NRXN3: variants seen among roughly 807,000 people sequenced by gnomAD.
The protein encoded by NRXN3 is neurexin 3, also known as neurexin III.
A neutral mutation model predicts 137.6 loss-of-function variants in NRXN3; 32 were observed. The observed-to-expected ratio is 0.23, with a 90% CI of 0.18 to 0.31. The LOEUF (loss-of-function observed/expected upper bound fraction) is 0.31. Among genes scored for constraint, NRXN3 ranks in the 10% least tolerant of loss-of-function variants. The pLI is 1.00. For synonymous variants in NRXN3, 798 were observed against 784.5 expected (o/e 1.02, Z -0.29); for missense variants, 1,574 against 2,062.5 (o/e 0.76, Z 4.59).
Position 79,038,822 on chromosome 14 carries a change from C to T in NRXN3, c.3262+50681C>T, listed in dbSNP as rs549867484. On this transcript the variant is annotated intron_variant, in intron 15 of 20. Coordinates refer to ENST00000335750, the MANE Select transcript of NRXN3 (RefSeq NM_001330195.2). ...GAAGTACAGGCGAGCAGGAATCCCT[C>T]GCTACCTGGCCTTTCGTTCCCTGGT... 3.9e-5 allele frequency among the ~76,000 whole-genome samples: 6 copies of T among 152,214 alleles called. No homozygotes were observed. The East Asian group carries it at 5.8e-4, about 15-fold the overall frequency.
intron 16 of NRXN3, among the ~76,000 whole-genome samples, chr14:79,619,758 C>T (rs1292858607): frequency 1.3e-5 from 2 of 152,020 alleles, no homozygotes; most frequent in Non-Finnish European, 2.9e-5. Flanking sequence ...ATACCAAATA[C>T]AGGTTCATAA....
intron 6 of NRXN3, among the ~76,000 whole-genome samples, chr14:78,659,417 G>A (rs1476283892): frequency 2.0e-5 from 3 of 152,126 alleles, no homozygotes; most frequent in East Asian, 1.9e-4. Context: ...GGTAGTTCAC[G>A]CCCATAATTT....
chr14:79,713,478 G>GTATATATATA lies in NRXN3; in HGVS notation c.4014+15551_4014+15560dup, dbSNP rs76633474. Among the ~76,000 whole-genome samples, 90 of 135,354 alleles carry GTATATATATA rather than the reference G, an allele frequency of 6.6e-4. 1 individual carries two copies. The highest frequency in any genetic ancestry group is 2.0e-3 in the African/African-American group (72 of 36,906). The allele number at this position is 135,354 out of a possible 152,430, so 88.8% of individuals were successfully genotyped here. On this transcript the variant is annotated intron_variant, in intron 19 of 20. Transcript: ENST00000335750. ...AGTAGAGATCTGAGATATATATAAT[G>GTATATATATA]TATATATATATATATATATTTGAAC... is the stretch of plus-strand genomic sequence containing the variant.
At chr14:78,513,469 A>G (rs1486273092) in intron 4 of NRXN3, among the ~76,000 whole-genome samples, 6 of 152,164 alleles carry the variant, frequency 3.9e-5, no homozygotes, top group Admixed American at 1.3e-4. Context: ...TTGAAATCCT[A>G]TCCCATGTTT....
At chr14:78,466,467 T>C (rs1025377034) in intron 4 of NRXN3, among the ~76,000 whole-genome samples, 44 of 152,258 alleles carry the variant, frequency 2.9e-4, no homozygotes, top group African/African-American at 1.0e-3. Flanking sequence ...CGTGAAGGGA[T>C]GGAAATGAAT....
chr14:79,156,599 G>A lies in NRXN3; in HGVS notation c.3262+168458G>A, dbSNP rs977994762. 2.0e-5 allele frequency among the ~76,000 whole-genome samples: 3 copies of A among 151,306 alleles called. 1 individual carries two copies. Among genetic ancestry groups the A allele is most frequent in the Admixed American group, 1.3e-4 (2 of 15,164 alleles). On this transcript the variant is annotated intron_variant, in intron 15 of 20. Transcript: ENST00000335750. ...GAATGCTCAATGTTTCTTCCTCCTA[G>A]TGTATTGCTTTACTTCCTTAACAGA... is the stretch of plus-strand genomic sequence containing the variant.
chr14:79,331,148 A>T (rs1344438441), intron 15 of NRXN3, among the ~76,000 whole-genome samples: 1 of 152,192 alleles, frequency 6.6e-6, no homozygotes, highest in Admixed American at 6.5e-5. Context: ...CCAGTAACTT[A>T]GGATGCTGTA....
At chr14:78,916,014 C>T (rs1597351089) in intron 10 of NRXN3, among the ~76,000 whole-genome samples, 1 of 152,212 alleles carries the variant, frequency 6.6e-6, no homozygotes, top group African/African-American at 2.4e-5. Context: ...AGATAAGACA[C>T]TCTTGTGTCT....
At chr14:79,453,982 C>T (rs1476351089) in intron 15 of NRXN3, among the ~76,000 whole-genome samples, 1 of 152,148 alleles carries the variant, frequency 6.6e-6, no homozygotes, top group African/African-American at 2.4e-5. Flanking sequence ...TTCTCTACTG[C>T]AGACAAAGTT....
intron 6 of NRXN3, among the ~76,000 whole-genome samples, chr14:78,694,203 CTG>C (rs2098202491): frequency 1.3e-5 from 2 of 151,952 alleles, no homozygotes; most frequent in South Asian, 4.2e-4. Context: ...GATTTTCTGA[CTG>C]TCTCCTCTTC....
chr14:78,301,254 G>C (rs1323385716), intron 4 of NRXN3, among the ~76,000 whole-genome samples: 1 of 152,122 alleles, frequency 6.6e-6, no homozygotes, highest in African/African-American at 2.4e-5. Context: ...CAGAAGGGTG[G>C]AACTGGGAGG....
At chr14:79,132,151 C>T (rs547204162) in intron 15 of NRXN3, among the ~76,000 whole-genome samples, 23 of 152,370 alleles carry the variant, frequency 1.5e-4, no homozygotes, top group South Asian at 4.1e-4. Flanking sequence ...GCGTTGCTCA[C>T]GCTGGGAGCT....
At chr14:79,088,532 ATCC>A (rs1247542746) in intron 15 of NRXN3, among the ~76,000 whole-genome samples, 5 of 139,988 alleles carry the variant, frequency 3.6e-5, no homozygotes, top group Admixed American at 3.4e-4. Context: ...TATTATAATT[ATCC>A]TCCTTAAGAA....
intron 8 of NRXN3, among the ~76,000 whole-genome samples, chr14:78,720,878 G>T (rs2098456614): frequency 6.6e-6 from 1 of 152,148 alleles, no homozygotes; most frequent in African/African-American, 2.4e-5. Context: ...TGCTTCTTTG[G>T]AATTAACTTC....
intron 16 of NRXN3, among the ~76,000 whole-genome samples, chr14:79,594,860 T>G (rs1283772989): frequency 2.6e-5 from 4 of 152,168 alleles, no homozygotes; most frequent in Non-Finnish European, 5.9e-5. Flanking sequence ...CAAGTCCCTG[T>G]TTATTAGACA....
intron 4 of NRXN3, among the ~76,000 whole-genome samples, chr14:78,322,690 GC>G (rs1185695830): frequency 1.3e-5 from 2 of 151,882 alleles, no homozygotes; most frequent in Non-Finnish European, 2.9e-5. Flanking sequence ...CATCCCACTT[GC>G]TGAAACCTTG....
chr14:79,067,001 A>G (rs898031022), intron 15 of NRXN3, among the ~76,000 whole-genome samples: 2 of 151,970 alleles, frequency 1.3e-5, no homozygotes, highest in African/African-American at 4.8e-5. Context: ...TTCCAATACT[A>G]TGTTGAATAA....
At chr14:78,750,817 G>A (rs1392458230) in intron 8 of NRXN3, among the ~76,000 whole-genome samples, 1 of 152,166 alleles carries the variant, frequency 6.6e-6, no homozygotes, top group African/African-American at 2.4e-5. Context: ...TAGGCTCTCT[G>A]AGGGCCAGAG....
Position 78,524,746 on chromosome 14 carries a change from A to AT in NRXN3, c.758-120365dup, listed in dbSNP as rs142730698. Reference sequence around the variant, plus strand: ...GATACCTTCAACCTCTCTCAGCACAATTTTTTTTTCTATTAAGCTCCCTTT... The same window carrying AT: ...GATACCTTCAACCTCTCTCAGCACAATTTTTTTTTTCTATTAAGCTCCCTTT... On this transcript the variant is annotated intron_variant, in intron 4 of 20. Coordinates refer to ENST00000335750, the MANE Select transcript of NRXN3 (RefSeq NM_001330195.2). 6.5e-3 allele frequency among the ~76,000 whole-genome samples: 980 copies of AT among 151,682 alleles called. 43 individuals are homozygous for AT. The East Asian group carries it at 0.096, about 15-fold the overall frequency.
Sources: allele counts gnomAD v4.1 joint callset (sites outside exome capture counted in the v4.1 genomes callset), GRCh38; gene constraint gnomAD v4.1.1; transcripts MANE v1.5; gene names NCBI Gene and HGNC (gene_info 2026-07-23, HGNC 2026-07-21).